PHC1: variants seen among roughly 807,000 people sequenced by gnomAD.
PHC1 encodes polyhomeotic homolog 1.
A neutral mutation model predicts 104.3 loss-of-function variants in PHC1; 12 were observed. The ratio of observed to expected loss-of-function variants is 0.12; its 90% CI spans 0.07 to 0.19. PHC1 has a LOEUF of 0.19. Among genes scored for constraint, PHC1 ranks in the 10% least tolerant of loss-of-function variants. The pLI is 1.00. For synonymous variants in PHC1, 302 were observed against 455.8 expected, an observed-to-expected ratio of 0.66 and a Z score of 4.30; for missense variants, 671 against 1,200.0, an observed-to-expected ratio of 0.56 and a Z score of 6.51.
chr12:8,919,061 ATC>A lies in PHC1; in HGVS notation c.115-689_115-688del, dbSNP rs991633384. On this transcript the variant is annotated intron_variant, in intron 2 of 14. Coordinates refer to ENST00000544916, the MANE Select transcript of PHC1 (RefSeq NM_004426.3). This position sits in a 1 kb window ranked among gnomAD's most constrained non-coding sequence, Gnocchi z 4.9. ...TATATAGACTTACTGAGGCAGAAGG[ATC>A]TCTCTGTTTTTTTGAGATGGAGTTT... Among the ~76,000 whole-genome samples the A allele has an allele frequency of 1.3e-5, 2 of 152,012 alleles. No homozygotes were observed. Among genetic ancestry groups the A allele is most frequent in the African/African-American group, 2.4e-5 (1 of 41,388 alleles).
intron 1 of PHC1, chr12:8,915,994 T>A (rs2137046811): frequency 6.5e-6 from 1 of 154,486 alleles, no homozygotes; most frequent in East Asian, 1.9e-4. Flanking sequence ...AATCCAGTAA[T>A]CTATAAAACT....
intron 11 of PHC1, among the ~76,000 whole-genome samples, chr12:8,935,790 C>T (rs181649510): frequency 1.1e-4 from 16 of 151,948 alleles, no homozygotes; most frequent in Admixed American, 3.3e-4. Context: ...GACGGAGTTT[C>T]GCTCTTGTTG....
At chr12:8,939,166 T>C (rs1945935709) in intron 14 of PHC1, 139 bp from the exon 15 acceptor site, 2 of 1,079,724 alleles carry the variant, frequency 1.9e-6, no homozygotes, top group African/African-American at 3.2e-5. Context: ...CATTTTGCTT[T>C]TAAAGCTTGC....
At chr12:8,927,881 CTTTCTTT>C (rs1300861325) in intron 6 of PHC1, among the ~76,000 whole-genome samples, 2 of 105,224 alleles carry the variant, frequency 1.9e-5, no homozygotes, top group Non-Finnish European at 3.7e-5. Flanking sequence ...TTCTTTCTTT[CTTTCTTT>C]CTTTCTTTCT....
rs1023945701 is a variant in PHC1, at chr12:8,937,334, G to A, written c.2628+8G>A. Reference sequence around the variant, plus strand: ...CAGGGCAAGTGCCACCGGGTGAGCTGCTTGTTGTAGAGCCAGATGCCTTTA... The same window carrying A: ...CAGGGCAAGTGCCACCGGGTGAGCTACTTGTTGTAGAGCCAGATGCCTTTA... On this transcript the variant is annotated splice_region_variant and intron_variant, in intron 13 of 14. Transcript: ENST00000544916. 4 of 1,597,712 alleles carry A rather than the reference G, an allele frequency of 2.5e-6. No homozygotes were observed. The African/African-American group carries it at 5.4e-5, about 22-fold the overall frequency.
At chr12:8,920,622 C>G (rs907496159) in intron 3 of PHC1, among the ~76,000 whole-genome samples, 3 of 152,142 alleles carry the variant, frequency 2.0e-5, no homozygotes, top group Non-Finnish European at 4.4e-5. Context: ...GCAGGAGAAT[C>G]GCTCAAACCT....
chr12:8,924,063 C>T (rs1172957914), intron 6 of PHC1, among the ~76,000 whole-genome samples: 1 of 152,130 alleles, frequency 6.6e-6, no homozygotes, highest in African/African-American at 2.4e-5. Context: ...TGTCTGCAGA[C>T]TTTGATGTCC....
intron 14 of PHC1, 64 bp downstream of exon 14, chr12:8,938,124 G>T: frequency 9.3e-7 from 1 of 1,070,850 alleles, no homozygotes; most frequent in South Asian, 1.4e-5. Context: ...CAGGGGCCTT[G>T]ATAAGAGGGA....
Position 8,921,030 on chromosome 12 carries a change from A to G in PHC1, c.271A>G (p.Thr91Ala), listed in dbSNP as rs1447136709. 1 of 1,613,484 alleles carries G rather than the reference A, an allele frequency of 6.2e-7. No individual in the cohort carries two copies. Among genetic ancestry groups the G allele is most frequent in the Non-Finnish European group, 8.5e-7 (1 of 1,179,854 alleles). Residue 91 changes from threonine (T) to alanine (A), a missense_variant, in exon 4 of 15, where the codon ACT becomes GCT. Around this residue, in one of 9 missense-constraint regions of PHC1, gnomAD observed 237 missense variants for 331.1 expected, o/e 0.72. Transcript: ENST00000544916. Reference protein sequence around the residue: ...SRQASSPNTSTTQQQTTTTQA... With the variant: ...SRQASSPNTSATQQQTTTTQA... ...GCAGGCCAGCTCCCCAAACACCAGCACTACACAGCAGCAGACTACCACCAC... is the reference window on the plus strand; with the variant it reads ...GCAGGCCAGCTCCCCAAACACCAGCGCTACACAGCAGCAGACTACCACCAC...
chr12:8,921,660 T>G lies in PHC1; in HGVS notation c.366T>G (p.Ser122=), dbSNP rs201504631. The G allele has an allele frequency of 6.2e-7, 1 of 1,613,560 alleles. No individual in the cohort carries two copies. The highest frequency in any genetic ancestry group is 1.7e-5 in the Admixed American group (1 of 59,982). Residue 122 remains serine, a synonymous_variant, in exon 5 of 15, where the codon TCT becomes TCG. Coordinates refer to ENST00000544916, the MANE Select transcript of PHC1 (RefSeq NM_004426.3). ...QLISRSQSVS[S]PSATTLTQSV... ...TCAGCCGATCCCAGAGTGTGAGCTC[T>G]CCCAGTGCTACCACCTTGACCCAAT...
intron 3 of PHC1, among the ~76,000 whole-genome samples, chr12:8,920,567 G>A (rs1945332704): frequency 6.6e-6 from 1 of 152,192 alleles, no homozygotes; most frequent in Non-Finnish European, 1.5e-5. Context: ...AATTAGCTGG[G>A]CGTGGTGGTG....
At chr12:8,934,157 G>T in intron 9 of PHC1, 110 bp from the exon 10 acceptor site, 1 of 1,296,996 alleles carries the variant, frequency 7.7e-7, no homozygotes, top group Non-Finnish European at 1.1e-6. Flanking sequence ...GAATCCAGGT[G>T]AATTGTCAAG....
chr12:8,924,444 C>G (rs907578212), intron 6 of PHC1, among the ~76,000 whole-genome samples: 5 of 152,132 alleles, frequency 3.3e-5, no homozygotes, highest in Non-Finnish European at 5.9e-5. Flanking sequence ...CCACTACACT[C>G]CAGCCTGGGC....
chr12:8,933,698 A>G, intron 8 of PHC1, 167 bp from the exon 9 acceptor site: 1 of 648,950 alleles, frequency 1.5e-6, no homozygotes, highest in Non-Finnish European at 2.6e-6. Context: ...TTTTGTCCTG[A>G]TGGAAAGTTA....
intron 5 of PHC1, among the ~76,000 whole-genome samples, chr12:8,922,128 T>A (rs1945383955): frequency 6.6e-6 from 1 of 152,214 alleles, no homozygotes; most frequent in Admixed American, 6.5e-5. Context: ...GCCATTTTTT[T>A]AAACCATGGT....
intron 7 of PHC1, among the ~76,000 whole-genome samples, chr12:8,931,145 A>G (rs1263572887): frequency 6.6e-6 from 1 of 152,208 alleles, no homozygotes; most frequent in Non-Finnish European, 1.5e-5. Context: ...TCTACCAGGC[A>G]GTAGTCAGCT....
intron 11 of PHC1, among the ~76,000 whole-genome samples, chr12:8,935,992 G>A (rs1404043890): frequency 2.0e-5 from 3 of 152,100 alleles, no homozygotes; most frequent in Non-Finnish European, 4.4e-5. Flanking sequence ...GCCAACTCCC[G>A]ACCTCAGGTG....
chr12:8,937,003 A>G, intron 12 of PHC1, 39 bp downstream of exon 12: 1 of 1,443,790 alleles, frequency 6.9e-7, no homozygotes. Flanking sequence ...CAGCACTGGT[A>G]TCTCCATCTA....
At chr12:8,915,658 G>A (rs2137045213) in intron 1 of PHC1, 1 of 149,488 alleles carries the variant, frequency 6.7e-6, no homozygotes, top group South Asian at 2.2e-4. Context: ...GGAAAATTTT[G>A]ATACCTGGTG....
Sources: gnomAD v4.1 joint callset for allele counts (sites outside exome capture counted in the v4.1 genomes callset) on GRCh38, gnomAD v4.1.1 for gene constraint, gnomAD v4.1.1 regional missense constraint, Gnocchi (gnomAD v3.1) non-coding constraint, MANE v1.5 for transcripts, NCBI Gene and HGNC (gene_info 2026-07-23, HGNC 2026-07-21) for gene names.